Variants in CNTN3 observed in about 807,000 individuals in gnomAD.
The protein encoded by CNTN3 is contactin 3.
In CNTN3, 60 loss-of-function variants were observed where a neutral mutation model predicts 119.1. That is an observed-to-expected ratio of 0.50 (90% CI 0.41 to 0.62). The LOEUF (loss-of-function observed/expected upper bound fraction) is 0.62, where lower values mean the gene tolerates loss of function less well. Ranked by LOEUF, CNTN3 falls within the 20% of genes least tolerant of loss-of-function variation. The pLI is 0.00. For synonymous variants in CNTN3, 450 were observed against 438.7 expected (o/e 1.03, Z -0.32); for missense variants, 1,101 against 1,242.4 (o/e 0.89, Z 1.71).
intron 2 of CNTN3, among the ~76,000 whole-genome samples, chr3:74,512,957 T>C (rs530662669): frequency 3.4e-4 from 51 of 152,234 alleles, no homozygotes; most frequent in African/African-American, 1.2e-3. Context: ...GGGATAAGAA[T>C]GAAAAGTTCT....
At chr3:74,492,341 G>T (rs1702979497) in intron 3 of CNTN3, among the ~76,000 whole-genome samples, 1 of 152,074 alleles carries the variant, frequency 6.6e-6, no homozygotes, top group Non-Finnish European at 1.5e-5. Flanking sequence ...GAAGTCCTGG[G>T]TTACTGGCCT....
rs1486166528 is a variant in CNTN3, at chr3:74,471,989, C to T, written c.358+14467G>A. 7.2e-5 allele frequency among the ~76,000 whole-genome samples: 11 copies of T among 152,304 alleles called. No individual in the cohort carries two copies. In the East Asian group the frequency reaches 2.1e-3, roughly 29 times the overall value. On this transcript the variant is annotated intron_variant, in intron 4 of 22. Transcript: ENST00000263665. Reference sequence around the variant, plus strand: ...CCTGCTCACTGAATAAATGAATGAACTCAAACTTTGAAGTCTCTCTCATGT... The same window carrying T: ...CCTGCTCACTGAATAAATGAATGAATTCAAACTTTGAAGTCTCTCTCATGT...
chr3:74,590,017 G>A (rs1337984927), intron 1 of CNTN3, among the ~76,000 whole-genome samples: 10 of 150,522 alleles, frequency 6.6e-5, no homozygotes, highest in Non-Finnish European at 1.3e-4. Context: ...TAAATGACGA[G>A]TTAATGGGTG....
intron 20 of CNTN3, among the ~76,000 whole-genome samples, chr3:74,278,223 T>C (rs1701919523): frequency 6.6e-6 from 1 of 151,814 alleles, no homozygotes; most frequent in South Asian, 2.1e-4. Context: ...GCAAATCCCA[T>C]CAAAATACCA....
At chr3:74,356,220 CCCAGCCT>C (rs1309170959) in intron 11 of CNTN3, among the ~76,000 whole-genome samples, 1 of 152,032 alleles carries the variant, frequency 6.6e-6, no homozygotes, top group East Asian at 1.9e-4. Flanking sequence ...TCTTAGACTT[CCCAGCCT>C]CCAGAACTGT....
chr3:74,412,740 T>G (rs1369177367), intron 5 of CNTN3, among the ~76,000 whole-genome samples: 2 of 152,200 alleles, frequency 1.3e-5, no homozygotes. Context: ...TTCTGGCTTT[T>G]CTTTAAAAAT....
chr3:74,466,244 T>A (rs1262969394), intron 4 of CNTN3, among the ~76,000 whole-genome samples: 1 of 152,116 alleles, frequency 6.6e-6, no homozygotes, highest in Non-Finnish European at 1.5e-5. Context: ...AGGAGAAAGA[T>A]AAACATGTTA....
intron 4 of CNTN3, among the ~76,000 whole-genome samples, chr3:74,459,680 C>T (rs1449543415): frequency 6.6e-6 from 1 of 151,940 alleles, no homozygotes; most frequent in Non-Finnish European, 1.5e-5. Context: ...TTATTTTCCT[C>T]CTCACCTCCT....
intron 4 of CNTN3, among the ~76,000 whole-genome samples, chr3:74,466,371 G>T (rs1034816339): frequency 4.6e-5 from 7 of 152,042 alleles, no homozygotes; most frequent in Admixed American, 1.3e-4. Flanking sequence ...AAAAACCATG[G>T]ATAAAATATC....
intron 1 of CNTN3, among the ~76,000 whole-genome samples, chr3:74,572,433 T>G (rs1390862287): frequency 1.3e-5 from 2 of 152,050 alleles, no homozygotes; most frequent in African/African-American, 4.8e-5. Context: ...GAAACTATGA[T>G]AGACTCCACC....
intron 11 of CNTN3, among the ~76,000 whole-genome samples, chr3:74,353,778 T>A (rs1252932032): frequency 6.6e-6 from 1 of 151,994 alleles, no homozygotes; most frequent in African/African-American, 2.4e-5. Context: ...AATTAATTAA[T>A]TAAATAAAAT....
At chr3:74,376,941 CA>C (rs34459321) in intron 5 of CNTN3, among the ~76,000 whole-genome samples, 122,918 of 140,706 alleles carry the variant, frequency 0.87, 54,151 homozygotes, top group South Asian at 0.97. Context: ...TGAACAGAGA[CA>C]AAAAAAAAAA....
At chr3:74,390,284 T>C (rs1653424173) in intron 5 of CNTN3, among the ~76,000 whole-genome samples, 1 of 152,106 alleles carries the variant, frequency 6.6e-6, no homozygotes, top group Non-Finnish European at 1.5e-5. Flanking sequence ...TGGGCTTTTG[T>C]TCAAGGGTTT....
intron 1 of CNTN3, among the ~76,000 whole-genome samples, chr3:74,551,670 C>T (rs1703992101): frequency 6.7e-6 from 1 of 149,864 alleles, no homozygotes; most frequent in South Asian, 2.1e-4. Flanking sequence ...AATCTTTTTA[C>T]TGTCTATATA....
chr3:74,606,245 T>C (rs1273271361), intron 1 of CNTN3, among the ~76,000 whole-genome samples: 4 of 151,922 alleles, frequency 2.6e-5, no homozygotes, highest in African/African-American at 9.7e-5. Flanking sequence ...GAAGAAGAGA[T>C]TGAGTAACTT....
At chr3:74,429,568 T>C (rs535228966) in intron 4 of CNTN3, among the ~76,000 whole-genome samples, 2 of 152,232 alleles carry the variant, frequency 1.3e-5, no homozygotes, top group Admixed American at 6.5e-5. Context: ...CTTTGTGATG[T>C]AAGGATAGGC....
intron 1 of CNTN3, among the ~76,000 whole-genome samples, chr3:74,611,624 C>T (rs1035867383): frequency 6.6e-6 from 1 of 151,974 alleles, no homozygotes; most frequent in Admixed American, 6.5e-5. Flanking sequence ...TCCGTGGCCC[C>T]ATATTCTCTT....
intron 13 of CNTN3, among the ~76,000 whole-genome samples, chr3:74,326,652 A>C (rs941731855): frequency 6.6e-6 from 1 of 151,774 alleles, no homozygotes; most frequent in Admixed American, 6.6e-5. Flanking sequence ...GTCATTAATT[A>C]AAAAAAAATT....
chr3:74,336,797 T>G, intron 11 of CNTN3, 139 bp from the exon 12 acceptor site: 1 of 507,874 alleles, frequency 2.0e-6, no homozygotes, highest in Non-Finnish European at 3.1e-6. Flanking sequence ...TTTTTGGGAA[T>G]ACAAAAAAAA....
Sources: allele counts gnomAD v4.1 joint callset (sites outside exome capture counted in the v4.1 genomes callset), GRCh38; gene constraint gnomAD v4.1.1; transcripts MANE v1.5; gene names NCBI Gene and HGNC (gene_info 2026-07-23, HGNC 2026-07-21).